Variants in SPSB4 observed in about 807,000 individuals in gnomAD.
SPSB4 encodes SPRY domain-containing SOCS box protein 4.
Under a neutral mutation model 20.9 loss-of-function variants are expected in SPSB4, and 21 were observed. The observed-to-expected ratio is 1.01, with a 90% confidence interval of 0.71 to 1.45. The LOEUF is 1.45. Among genes scored for constraint, SPSB4 ranks in the 40% most tolerant of loss-of-function variants. SPSB4 has a pLI of 0.00. For synonymous variants in SPSB4, 207 were observed against 183.8 expected (o/e 1.13, Z -1.02); for missense variants, 399 against 399.2 (o/e 1.00, Z 0.00).
At chr3:141,109,838 AG>A (rs1938764431) in intron 2 of SPSB4, among the ~76,000 whole-genome samples, 1 of 152,198 alleles carries the variant, frequency 6.6e-6, no homozygotes. Context: ...ACAGGCTGGG[AG>A]CAGTGCAGAG....
intron 2 of SPSB4, among the ~76,000 whole-genome samples, chr3:141,128,751 G>C (rs1576540656): frequency 6.6e-6 from 1 of 152,008 alleles, no homozygotes; most frequent in East Asian, 1.9e-4. Flanking sequence ...AGAGGTAAGG[G>C]GGACAGAGCA....
intron 2 of SPSB4, among the ~76,000 whole-genome samples, chr3:141,112,389 T>C (rs1445512315): frequency 6.6e-6 from 1 of 152,000 alleles, no homozygotes; most frequent in Non-Finnish European, 1.5e-5. Context: ...CTCACGCCTG[T>C]AATCCCAGCA....
chr3:141,136,974 A>G (rs905677445), intron 2 of SPSB4, among the ~76,000 whole-genome samples: 1 of 152,198 alleles, frequency 6.6e-6, no homozygotes, highest in Non-Finnish European at 1.5e-5. Context: ...ACCCATGAGC[A>G]TGGAATGTTC....
chr3:141,129,022 AGCT>A (rs1939094217), intron 2 of SPSB4, among the ~76,000 whole-genome samples: 1 of 152,182 alleles, frequency 6.6e-6, no homozygotes. Context: ...CCAAAAAGGA[AGCT>A]GCTGTTTGCT....
intron 2 of SPSB4, among the ~76,000 whole-genome samples, chr3:141,073,622 A>G (rs1276868443): frequency 6.6e-6 from 1 of 152,168 alleles, no homozygotes; most frequent in Non-Finnish European, 1.5e-5. Context: ...GGCCTTTTCA[A>G]CCACCCTATA....
intron 2 of SPSB4, among the ~76,000 whole-genome samples, chr3:141,069,350 G>A (rs1448673216): frequency 6.6e-6 from 1 of 152,144 alleles, no homozygotes; most frequent in Non-Finnish European, 1.5e-5. Context: ...CTGTGTCCTG[G>A]GCTGAAGTCC....
Position 141,069,854 on chromosome 3 carries a change from C to T in SPSB4, c.694+3056C>T, listed in dbSNP as rs147562138. Among the ~76,000 whole-genome samples the T allele has an allele frequency of 3.3e-5, 5 of 152,288 alleles. No individual in the cohort carries two copies. The East Asian group carries it at 7.7e-4, about 23-fold the overall frequency. On this transcript the variant is annotated intron_variant, in intron 2 of 2. Transcript: ENST00000310546. ...AAAATGGCCTTAATAGAGGCTTTTC[C>T]TCTAACATGATGAAAGTAAGGTAAT... is the stretch of plus-strand genomic sequence containing the variant.
intron 2 of SPSB4, among the ~76,000 whole-genome samples, chr3:141,135,096 C>T (rs1939203990): frequency 6.6e-6 from 1 of 152,054 alleles, no homozygotes; most frequent in Non-Finnish European, 1.5e-5. Flanking sequence ...ACCATCTCAC[C>T]CCCAAGTAAC....
chr3:141,148,006 C>T lies in SPSB4; in HGVS notation c.*737C>T, dbSNP rs58162346. ...CTGACTGGTTTGCCCCAGGGAAGAG[C>T]ATATCCTTACCATTATTTTAAGTAG... is the stretch of plus-strand genomic sequence containing the variant. On this transcript the variant is annotated 3_prime_UTR_variant, in exon 3 of 3. Transcript: ENST00000310546. This position sits in a 1 kb window ranked among gnomAD's most constrained non-coding sequence, Gnocchi z 4.5. 43,614 of 152,698 alleles carry T rather than the reference C, an allele frequency of 0.29. 7,481 individuals are homozygous for T. The highest frequency in any genetic ancestry group is 0.48 in the African/African-American group (19,936 of 41,472). 9.5% of individuals were successfully genotyped at this position (152,698 alleles called of 1,614,324 possible).
At chr3:141,106,033 A>C (rs537325564) in intron 2 of SPSB4, among the ~76,000 whole-genome samples, 1 of 152,322 alleles carries the variant, frequency 6.6e-6, no homozygotes, top group East Asian at 1.9e-4. Flanking sequence ...GGGCCATTGG[A>C]AGGGACTACA....
At chr3:141,114,383 A>C (rs1938852887) in intron 2 of SPSB4, among the ~76,000 whole-genome samples, 1 of 152,162 alleles carries the variant, frequency 6.6e-6, no homozygotes, top group Admixed American at 6.5e-5. Flanking sequence ...AGAGCTTTGG[A>C]ACTAACTCCT....
chr3:141,063,094 TTTATTA>T (rs1406874202), intron 1 of SPSB4, among the ~76,000 whole-genome samples: 1 of 152,228 alleles, frequency 6.6e-6, no homozygotes, highest in Non-Finnish European at 1.5e-5. Flanking sequence ...GATCGCATTC[TTTATTA>T]TTATTAAGTA....
At chr3:141,085,457 G>A (rs1001981406) in intron 2 of SPSB4, among the ~76,000 whole-genome samples, 35 of 152,248 alleles carry the variant, frequency 2.3e-4, no homozygotes, top group African/African-American at 7.9e-4. Flanking sequence ...CTCATTGTCT[G>A]GAATGGCTGC....
At chr3:141,138,389 T>G (rs1319539759) in intron 2 of SPSB4, among the ~76,000 whole-genome samples, 1 of 152,170 alleles carries the variant, frequency 6.6e-6, no homozygotes, top group Non-Finnish European at 1.5e-5. Context: ...TTTGAATGTG[T>G]TTGCTCTTGC....
intron 2 of SPSB4, among the ~76,000 whole-genome samples, chr3:141,072,376 C>A (rs1288589076): frequency 6.6e-6 from 1 of 152,128 alleles, no homozygotes; most frequent in Non-Finnish European, 1.5e-5. Context: ...GAAATGAGAT[C>A]CCCCAAGTTG....
At chr3:141,116,802 G>A (rs564532848) in intron 2 of SPSB4, among the ~76,000 whole-genome samples, 4 of 152,302 alleles carry the variant, frequency 2.6e-5, no homozygotes, top group African/African-American at 9.6e-5. Flanking sequence ...AAAATCAGTT[G>A]AAGAGTCCAG....
At chr3:141,088,058 C>T (rs1297042591) in intron 2 of SPSB4, among the ~76,000 whole-genome samples, 1 of 152,066 alleles carries the variant, frequency 6.6e-6, no homozygotes, top group Non-Finnish European at 1.5e-5. Context: ...CCGCAGTGTG[C>T]TGTGGGGTGG....
At chr3:141,121,874 G>A (rs563205963) in intron 2 of SPSB4, among the ~76,000 whole-genome samples, 6 of 152,234 alleles carry the variant, frequency 3.9e-5, no homozygotes, top group African/African-American at 9.6e-5. Context: ...CCTTTAGCTC[G>A]GAGAAGTTTG....
rs759630350 is a variant in SPSB4, at chr3:141,066,419, G to A, written c.315G>A (p.Pro105=). 28 of 1,524,104 alleles carry A rather than the reference G, an allele frequency of 1.8e-5. No individual in the cohort carries two copies. The East Asian group carries it at 4.4e-4, about 24-fold the overall frequency. 94.4% of individuals were successfully genotyped at this position (1,524,104 alleles called of 1,614,324 possible). ...RGLHAWQINW[P]ARQRGTHAVV... is the part of the protein sequence containing the mutation. ...TGCACGCCTGGCAGATCAACTGGCC[G>A]GCTCGGCAGCGCGGCACCCACGCTG... Residue 105 remains proline (P), a synonymous_variant, in exon 2 of 3, where the codon CCG becomes CCA. Transcript: ENST00000310546.
Sources: allele counts gnomAD v4.1 joint callset (sites outside exome capture counted in the v4.1 genomes callset), GRCh38; gene constraint gnomAD v4.1.1; non-coding constraint Gnocchi (gnomAD v3.1); transcripts MANE v1.5; gene names NCBI Gene and HGNC (gene_info 2026-07-23, HGNC 2026-07-21).